Variants in PIEZO2 observed in about 807,000 individuals in gnomAD.
The protein encoded by PIEZO2 is piezo type mechanosensitive ion channel component 2, also known as piezo-type mechanosensitive ion channel component 2.
Under a neutral mutation model 337.3 loss-of-function variants are expected in PIEZO2, and 172 were observed. That is an observed-to-expected ratio of 0.51 (90% confidence interval 0.45 to 0.58). The LOEUF (loss-of-function observed/expected upper bound fraction) is 0.58, where lower values mean the gene tolerates loss of function less well. Ranked by LOEUF, PIEZO2 falls within the 20% of genes least tolerant of loss-of-function variation. The probability of loss-of-function intolerance (pLI) is 0.00; values close to 1 mark genes in which losing one functional copy is unlikely to be tolerated. For synonymous variants in PIEZO2, 1,251 were observed against 1,228.5 expected, an observed-to-expected ratio of 1.02 and a Z score of -0.38; for missense variants, 3,028 against 3,391.3, an observed-to-expected ratio of 0.89 and a Z score of 2.66.
intron 1 of PIEZO2, among the ~76,000 whole-genome samples, chr18:11,098,985 T>TG (rs1568372053): frequency 6.6e-6 from 1 of 151,186 alleles, no homozygotes; most frequent in East Asian, 1.9e-4. Flanking sequence ...TTTTTTTTTT[T>TG]GTAGAGATGG....
Position 10,725,546 on chromosome 18 carries a change from T to TC in PIEZO2, c.5029+5860dup. The TC allele has an allele frequency of 3.6e-6, 5 of 1,372,730 alleles. No individual in the cohort carries two copies. The South Asian group carries it at 6.9e-5, about 19-fold the overall frequency. The allele number at this position is 1,372,730 out of a possible 1,614,324, so 85.0% of individuals were successfully genotyped here. A position where few individuals can be genotyped will look rare whatever the true frequency, so the allele number is the denominator to read the frequency against. On this transcript the variant is annotated intron_variant, in intron 36 of 55. Transcript: ENST00000674853. ...CGTGGGAAGGAGGGGCCCCACTAAC[T>TC]CCCCCTTTTGTTTCTCCCCTGTCCC...
rs1259144966 is a variant in PIEZO2 at position 10,870,985 on chromosome 18, C to T, written c.492+268G>A. Among the ~76,000 whole-genome samples, 2 of 152,042 alleles carry T rather than the reference C, an allele frequency of 1.3e-5. No individual in the cohort carries two copies. Among genetic ancestry groups the T allele is most frequent in the Admixed American group, 6.6e-5 (1 of 15,256 alleles). ...ACGGTTAGCCTCCGAGATAATATCA[C>T]GTGATAGTTTGGGGTGGTGGGTCAA... On this transcript the variant is annotated intron_variant, in intron 5 of 55. Transcript: ENST00000674853. The surrounding 1 kb of genome is among the most constrained non-coding windows in gnomAD (Gnocchi z 5.3).
At chr18:10,725,217 G>C (rs1342429356) in intron 36 of PIEZO2, 2 of 1,563,806 alleles carry the variant, frequency 1.3e-6, no homozygotes, top group Non-Finnish European at 1.8e-6. Flanking sequence ...TTCTGGAGAA[G>C]TTTGGAACCT....
chr18:11,081,779 A>G (rs1213527031), intron 1 of PIEZO2, among the ~76,000 whole-genome samples: 3 of 131,532 alleles, frequency 2.3e-5, no homozygotes, highest in Non-Finnish European at 5.0e-5. Flanking sequence ...TTTTTTTTTG[A>G]GATGGAGTCT....
intron 27 of PIEZO2, among the ~76,000 whole-genome samples, chr18:10,756,160 T>G (rs1598436896): frequency 5.5e-5 from 6 of 108,972 alleles, no homozygotes; most frequent in East Asian, 2.8e-4. Flanking sequence ...GAGAAAGAAA[T>G]GGAAGAGAAG....
chr18:10,967,219 G>A (rs184676923), intron 3 of PIEZO2, among the ~76,000 whole-genome samples: 37 of 151,948 alleles, frequency 2.4e-4, no homozygotes, highest in South Asian at 8.3e-4. Context: ...AGATTTCACC[G>A]TGTTAGCCAG....
At chr18:10,774,328 G>A (rs549628385) in intron 18 of PIEZO2, among the ~76,000 whole-genome samples, 12 of 152,274 alleles carry the variant, frequency 7.9e-5, no homozygotes, top group Admixed American at 2.6e-4. Flanking sequence ...TTTTAGTAAC[G>A]CAACAAACCA....
At chr18:10,725,723 C>T (rs1393954419) in intron 36 of PIEZO2, among the ~76,000 whole-genome samples, 1 of 152,198 alleles carries the variant, frequency 6.6e-6, no homozygotes, top group African/African-American at 2.4e-5. Flanking sequence ...TCTCCGACTT[C>T]TCTCCACAGT....
At chr18:10,961,514 C>G (rs1052703823) in intron 3 of PIEZO2, among the ~76,000 whole-genome samples, 3 of 152,086 alleles carry the variant, frequency 2.0e-5, no homozygotes, top group Non-Finnish European at 4.4e-5. Flanking sequence ...CACTAAATAA[C>G]TTACTCATGT....
At chr18:11,006,576 T>G (rs559374494) in intron 2 of PIEZO2, among the ~76,000 whole-genome samples, 1 of 152,286 alleles carries the variant, frequency 6.6e-6, no homozygotes, top group South Asian at 2.1e-4. Flanking sequence ...ATTGGTCTAT[T>G]AGCTTTCCAT....
At chr18:10,880,845 TCATATATATATATATATATATATA>T (rs1197373988) in intron 4 of PIEZO2, among the ~76,000 whole-genome samples, 5 of 75,866 alleles carry the variant, frequency 6.6e-5, no homozygotes, top group Non-Finnish European at 1.2e-4. Context: ...TTCCCACATA[TCATATATATATATATATATATATA>T]TATATATATA....
chr18:10,725,927 T>A (rs1383270843), intron 36 of PIEZO2, among the ~76,000 whole-genome samples: 1 of 152,178 alleles, frequency 6.6e-6, no homozygotes. Context: ...CACTAACCAC[T>A]ATTTCTATCT....
At chr18:11,121,381 C>A (rs2040025823) in intron 1 of PIEZO2, among the ~76,000 whole-genome samples, 1 of 152,082 alleles carries the variant, frequency 6.6e-6, no homozygotes, top group African/African-American at 2.4e-5. Context: ...ATAGTAGAAC[C>A]CTGTCTCTAC....
chr18:10,911,493 G>A (rs1360431950), intron 3 of PIEZO2, among the ~76,000 whole-genome samples: 3 of 150,810 alleles, frequency 2.0e-5, no homozygotes, highest in East Asian at 2.0e-4. Flanking sequence ...AATGGCTAAC[G>A]TCTGTAATCC....
intron 21 of PIEZO2, among the ~76,000 whole-genome samples, chr18:10,765,939 T>C (rs192218581): frequency 1.3e-5 from 2 of 152,048 alleles, no homozygotes; most frequent in Admixed American, 1.3e-4. Flanking sequence ...AAAGGAGAGC[T>C]TCAATGACAA....
chr18:11,013,553 A>T (rs1224199039), intron 2 of PIEZO2, among the ~76,000 whole-genome samples: 1 of 152,210 alleles, frequency 6.6e-6, no homozygotes, highest in African/African-American at 2.4e-5. Context: ...AACTCAAATA[A>T]CTAATTCAAG....
At chr18:10,721,165 T>C (rs2036295491) in intron 36 of PIEZO2, among the ~76,000 whole-genome samples, 2 of 152,228 alleles carry the variant, frequency 1.3e-5, no homozygotes, top group Admixed American at 6.5e-5. Context: ...ACTCACTGAA[T>C]GGCTGTGTGA....
chr18:10,919,431 T>A (rs2145125851), intron 3 of PIEZO2, among the ~76,000 whole-genome samples: 1 of 152,278 alleles, frequency 6.6e-6, no homozygotes, highest in Middle Eastern at 3.4e-3. Flanking sequence ...ATTTGTTTTT[T>A]GGCCCTTAGG....
chr18:10,685,839 C>T (rs948706655), intron 49 of PIEZO2, among the ~76,000 whole-genome samples: 8 of 152,190 alleles, frequency 5.3e-5, no homozygotes, highest in African/African-American at 1.7e-4. Flanking sequence ...AGCAGAGGAG[C>T]TCCCCCATCT....
Sources: allele counts gnomAD v4.1 joint callset (sites outside exome capture counted in the v4.1 genomes callset), GRCh38; gene constraint gnomAD v4.1.1; non-coding constraint Gnocchi (gnomAD v3.1); transcripts MANE v1.5; gene names NCBI Gene and HGNC (gene_info 2026-07-23, HGNC 2026-07-21).